The following PTPRN2 variants were observed in gnomAD, a reference collection of about 807,000 sequenced individuals.
PTPRN2 encodes receptor-type tyrosine-protein phosphatase N2.
A neutral mutation model predicts 118.8 loss-of-function variants in PTPRN2; 74 were observed. That is an observed-to-expected ratio of 0.62 (90% CI 0.52 to 0.76). The LOEUF (loss-of-function observed/expected upper bound fraction) is 0.76. Among genes scored for constraint, PTPRN2 ranks in the 30% least tolerant of loss-of-function variants. The probability of loss-of-function intolerance (pLI) is 0.00; values close to 1 mark genes in which losing one functional copy is unlikely to be tolerated. For missense variants in PTPRN2, 1,481 were observed against 1,394.4 expected (o/e 1.06, Z -0.99); for synonymous variants, 641 against 608.0 (o/e 1.05, Z -0.80).
intron 2 of PTPRN2, among the ~76,000 whole-genome samples, chr7:158,370,163 C>T (rs1470582831): frequency 1.3e-5 from 2 of 152,194 alleles, no homozygotes; most frequent in African/African-American, 4.8e-5. Flanking sequence ...GAGAGGCCAG[C>T]GCAGTGGCTC....
chr7:157,782,416 G>A (rs1001543774), intron 12 of PTPRN2, among the ~76,000 whole-genome samples: 9 of 152,322 alleles, frequency 5.9e-5, no homozygotes, highest in African/African-American at 1.4e-4. Flanking sequence ...ATCTGAAAAC[G>A]GTGAATCAGC....
At chr7:158,204,806 A>T (rs569098229) in intron 4 of PTPRN2, among the ~76,000 whole-genome samples, 4 of 152,368 alleles carry the variant, frequency 2.6e-5, no homozygotes, top group South Asian at 4.1e-4. Context: ...GCTCTGGGAA[A>T]GGATGATAAA....
intron 10 of PTPRN2, among the ~76,000 whole-genome samples, chr7:158,087,559 C>T (rs532894375): frequency 1.9e-4 from 28 of 151,126 alleles, no homozygotes; most frequent in African/African-American, 6.0e-4. Flanking sequence ...GAATGCTGCC[C>T]ACTCAGATGC....
At chr7:158,133,574 T>G in intron 9 of PTPRN2, 103 bp downstream of exon 9, 1 of 1,456,974 alleles carries the variant, frequency 6.9e-7, no homozygotes. Flanking sequence ...TGAAGACACT[T>G]AAAAGCGTAT....
At chr7:157,565,931 C>T (rs1275541946) in intron 21 of PTPRN2, among the ~76,000 whole-genome samples, 3 of 152,228 alleles carry the variant, frequency 2.0e-5, no homozygotes. Flanking sequence ...TGCCTACTTT[C>T]CTGCCACAAA....
At chr7:158,448,605 C>G (rs1036039466) in intron 2 of PTPRN2, among the ~76,000 whole-genome samples, 2 of 152,196 alleles carry the variant, frequency 1.3e-5, no homozygotes. Context: ...GCATGAGGGG[C>G]TCCTCCTGCA....
At chr7:157,668,103 G>C (rs1796233957) in intron 13 of PTPRN2, among the ~76,000 whole-genome samples, 1 of 152,274 alleles carries the variant, frequency 6.6e-6, no homozygotes, top group South Asian at 2.1e-4. Context: ...GCTCGCCGTA[G>C]AGCCGCCTGC....
At chr7:158,315,032 G>A (rs371278844) in intron 3 of PTPRN2, among the ~76,000 whole-genome samples, 12 of 139,428 alleles carry the variant, frequency 8.6e-5, no homozygotes, top group Admixed American at 7.0e-4. Flanking sequence ...AACCCGGGAC[G>A]CCCTCAAGGA....
At chr7:157,957,897 A>G (rs1230108913) in intron 11 of PTPRN2, among the ~76,000 whole-genome samples, 1 of 152,248 alleles carries the variant, frequency 6.6e-6, no homozygotes, top group African/African-American at 2.4e-5. Flanking sequence ...CTGTGAGTCC[A>G]GCATTACTCT....
intron 1 of PTPRN2, among the ~76,000 whole-genome samples, chr7:158,566,222 C>T (rs1172204889): frequency 2.6e-5 from 4 of 152,032 alleles, no homozygotes; most frequent in African/African-American, 9.7e-5. Flanking sequence ...GGCGTGGTGG[C>T]GGGCACCTGT....
chr7:157,544,761 G>A (rs565390356), intron 22 of PTPRN2, among the ~76,000 whole-genome samples: 42 of 152,362 alleles, frequency 2.8e-4, no homozygotes, highest in African/African-American at 8.9e-4. Context: ...AGGCATGGAC[G>A]GGAGAGAGGG....
At chr7:157,699,360 A>T (rs372571428) in intron 12 of PTPRN2, among the ~76,000 whole-genome samples, 54 of 152,364 alleles carry the variant, frequency 3.5e-4, no homozygotes, top group African/African-American at 1.2e-3. Flanking sequence ...TTGATTTTAT[A>T]TTGCAAATAT....
chr7:157,671,362 C>T lies in PTPRN2; in HGVS notation c.2001+11363G>A, dbSNP rs766195193. Among the ~76,000 whole-genome samples the T allele has an allele frequency of 3.9e-4, 59 of 152,238 alleles. No individual in the cohort carries two copies. Among genetic ancestry groups the T allele is most frequent in the Non-Finnish European group, 4.4e-4 (30 of 68,006 alleles). ...CTACACTGGAGGGATGGTGACGAGA[C>T]GTCACCGCAGAGGCGGCAGAAGGGA... On this transcript the variant is annotated intron_variant, in intron 13 of 22. Transcript: ENST00000389418. This position sits in a 1 kb window ranked among gnomAD's most constrained non-coding sequence, Gnocchi z 4.1.
At position 157,603,618 on chromosome 7, in the gene PTPRN2, G is replaced by A. The variant is rs775405931; in HGVS notation, c.2418+384C>T. 2.6e-5 allele frequency among the ~76,000 whole-genome samples: 4 copies of A among 152,150 alleles called. No homozygotes were observed. Among genetic ancestry groups the A allele is most frequent in the East Asian group, 1.9e-4 (1 of 5,194 alleles). On this transcript the variant is annotated intron_variant, in intron 16 of 22. Coordinates refer to ENST00000389418, the MANE Select transcript of PTPRN2 (RefSeq NM_002847.5). The surrounding 1 kb of genome is among the most constrained non-coding windows in gnomAD (Gnocchi z 5.4). ...CAAGCCACTGATTGTTACAAAAAGC[G>A]TAGACTGAGGCCTCATGTCCCCATG...
intron 2 of PTPRN2, among the ~76,000 whole-genome samples, chr7:158,443,452 A>G (rs1817501455): frequency 1.3e-5 from 2 of 152,264 alleles, no homozygotes; most frequent in African/African-American, 2.4e-5. Flanking sequence ...CGGGTCTGTA[A>G]GAGTTGGGGG....
At position 157,907,844 on chromosome 7, in the gene PTPRN2, G is replaced by A. The variant is rs77396423; in HGVS notation, c.1724-9107C>T. Among the ~76,000 whole-genome samples, 2,600 of 152,212 alleles carry A rather than the reference G, an allele frequency of 0.017. 166 individuals are homozygous for A. In the East Asian group the frequency reaches 0.23, roughly 14 times the overall value. ...CTGACTGGCATCTGTTCACTGATCA[G>A]AGCCATTTTCTTTCCTCCAGCCCCA... On this transcript the variant is annotated intron_variant, in intron 11 of 22. Transcript: ENST00000389418.
intron 10 of PTPRN2, among the ~76,000 whole-genome samples, chr7:158,104,000 T>C (rs1293749493): frequency 6.6e-6 from 1 of 152,132 alleles, no homozygotes; most frequent in Admixed American, 6.5e-5. Flanking sequence ...TAGCTGGGAT[T>C]ACAGGCACCT....
intron 6 of PTPRN2, among the ~76,000 whole-genome samples, chr7:158,152,975 G>C (rs1360668887): frequency 7.4e-6 from 1 of 135,224 alleles, no homozygotes; most frequent in Non-Finnish European, 1.6e-5. Context: ...CCACCAACCA[G>C]TGGGACAAGA....
chr7:157,801,393 G>T lies in PTPRN2; in HGVS notation c.1788+97280C>A, dbSNP rs1240846916. The stretch of plus-strand genomic sequence containing the variant: ...GAGCTGTCGAGGTTTATTTATTCAC[G>T]GAGAGGCTCTGCATCACGAGAGTGC... On this transcript the variant is annotated intron_variant, in intron 12 of 22. Transcript: ENST00000389418. The surrounding 1 kb of genome is among the most constrained non-coding windows in gnomAD (Gnocchi z 4.2). 6.6e-6 allele frequency among the ~76,000 whole-genome samples: 1 copy of T among 152,110 alleles called. No individual in the cohort carries two copies. Among genetic ancestry groups the T allele is most frequent in the East Asian group, 1.9e-4 (1 of 5,186 alleles).
Sources: allele counts gnomAD v4.1 joint callset (sites outside exome capture counted in the v4.1 genomes callset), GRCh38; gene constraint gnomAD v4.1.1; non-coding constraint Gnocchi (gnomAD v3.1); transcripts MANE v1.5; gene names NCBI Gene and HGNC (gene_info 2026-07-23, HGNC 2026-07-21).